The following CNTN5 variants were observed in gnomAD, a reference collection of about 807,000 sequenced individuals.
CNTN5 encodes the protein contactin 5, also known as contactin-5.
A neutral mutation model predicts 129.1 loss-of-function variants in CNTN5; 77 were observed. The observed-to-expected ratio is 0.60, with a 90% confidence interval of 0.50 to 0.72. CNTN5 has a LOEUF of 0.72. Among genes scored for constraint, CNTN5 ranks in the 30% least tolerant of loss-of-function variants. CNTN5 has a pLI of 0.00. For missense variants in CNTN5, 1,478 were observed against 1,328.8 expected (o/e 1.11, Z -1.75); for synonymous variants, 509 against 465.6 (o/e 1.09, Z -1.20).
intron 3 of CNTN5, among the ~76,000 whole-genome samples, chr11:99,814,199 G>A (rs1339186299): frequency 6.6e-6 from 1 of 152,130 alleles, no homozygotes; most frequent in East Asian, 1.9e-4. Flanking sequence ...TTTAAGAGAT[G>A]TACAGACATC....
rs80344188 is a variant in CNTN5 at position 99,792,773 on chromosome 11, G to T, written c.56-26771G>T. Among the ~76,000 whole-genome samples, 1,708 of 152,136 alleles carry T rather than the reference G, an allele frequency of 0.011. 71 individuals carry two copies. The East Asian group carries it at 0.13, about 12-fold the overall frequency. On this transcript the variant is annotated intron_variant, in intron 3 of 24. Coordinates refer to ENST00000524871, the MANE Select transcript of CNTN5 (RefSeq NM_014361.4). ...CCTGGTCCTGGGCATTCTCTGGTTG[G>T]TAGGCTTTTCTTACTGTTTCAAATG...
chr11:99,088,989 A>C (rs1244783233), intron 1 of CNTN5, among the ~76,000 whole-genome samples: 1 of 152,166 alleles, frequency 6.6e-6, no homozygotes, highest in Non-Finnish European at 1.5e-5. Flanking sequence ...ACAAAAACAC[A>C]ACTTCTGTAA....
At chr11:100,291,118 G>C (rs1351887376) in intron 18 of CNTN5, among the ~76,000 whole-genome samples, 2 of 149,066 alleles carry the variant, frequency 1.3e-5, no homozygotes, top group Admixed American at 1.3e-4. Flanking sequence ...ACAGGTGCTG[G>C]AGAGGATGTG....
At chr11:99,362,645 A>T (rs1036297610) in intron 2 of CNTN5, among the ~76,000 whole-genome samples, 2 of 151,512 alleles carry the variant, frequency 1.3e-5, no homozygotes, top group African/African-American at 4.8e-5. Flanking sequence ...TTGGTGAAAA[A>T]ATGTTTTAGC....
intron 2 of CNTN5, among the ~76,000 whole-genome samples, chr11:99,484,714 A>G (rs1444873198): frequency 6.6e-6 from 1 of 152,232 alleles, no homozygotes; most frequent in Non-Finnish European, 1.5e-5. Flanking sequence ...TACAAAAAAA[A>G]AAGGTGAAAT....
At chr11:99,490,123 G>A (rs1298489221) in intron 2 of CNTN5, among the ~76,000 whole-genome samples, 2 of 151,918 alleles carry the variant, frequency 1.3e-5, no homozygotes, top group African/African-American at 4.8e-5. Context: ...ATGTATTGGG[G>A]ACTTATATTT....
intron 9 of CNTN5, among the ~76,000 whole-genome samples, chr11:100,020,364 T>G (rs923643736): frequency 2.0e-5 from 3 of 152,054 alleles, no homozygotes; most frequent in African/African-American, 7.2e-5. Flanking sequence ...ATCTAGTATT[T>G]CCTACACCAT....
At chr11:100,154,480 C>T (rs547473744) in intron 13 of CNTN5, among the ~76,000 whole-genome samples, 2 of 152,236 alleles carry the variant, frequency 1.3e-5, no homozygotes, top group African/African-American at 4.8e-5. Context: ...CCACAATAAA[C>T]ATACATGTGC....
intron 1 of CNTN5, among the ~76,000 whole-genome samples, chr11:99,205,843 GA>G (rs1299937615): frequency 1.3e-5 from 2 of 151,898 alleles, no homozygotes; most frequent in Non-Finnish European, 2.9e-5. Flanking sequence ...AAAATAAAAA[GA>G]AAAGGCTCAT....
intron 1 of CNTN5, among the ~76,000 whole-genome samples, chr11:99,292,728 GA>G (rs1398338055): frequency 6.6e-6 from 1 of 152,078 alleles, no homozygotes; most frequent in Non-Finnish European, 1.5e-5. Context: ...AGCACTTTAT[GA>G]AACAATCTAG....
chr11:99,396,896 A>C (rs12292462), intron 2 of CNTN5, among the ~76,000 whole-genome samples: 5,134 of 151,854 alleles, frequency 0.034, 286 homozygotes, highest in African/African-American at 0.12. Flanking sequence ...ACGACATTCA[A>C]CACATTTGGT....
intron 13 of CNTN5, 141 bp downstream of exon 13, chr11:100,074,435 T>C (rs1332480060): frequency 5.5e-6 from 4 of 733,244 alleles, no homozygotes; most frequent in Admixed American, 3.6e-5. Flanking sequence ...TTTGCCTATA[T>C]AGTGATTTTA....
At chr11:99,974,171 C>T (rs1275946194) in intron 8 of CNTN5, among the ~76,000 whole-genome samples, 1 of 152,200 alleles carries the variant, frequency 6.6e-6, no homozygotes, top group East Asian at 1.9e-4. Flanking sequence ...TTAGTCATCA[C>T]AGCAAAACAG....
intron 1 of CNTN5, among the ~76,000 whole-genome samples, chr11:99,207,165 C>T (rs1157273809): frequency 6.6e-6 from 1 of 152,014 alleles, no homozygotes; most frequent in African/African-American, 2.4e-5. Flanking sequence ...AATAGGGATA[C>T]ATGAAATCTT....
At chr11:99,122,340 G>C (rs1272847879) in intron 1 of CNTN5, among the ~76,000 whole-genome samples, 1 of 152,022 alleles carries the variant, frequency 6.6e-6, no homozygotes, top group Non-Finnish European at 1.5e-5. Context: ...TGAGTGAAAG[G>C]TGAGAATTCT....
At chr11:99,746,955 G>A (rs1056850753) in intron 3 of CNTN5, among the ~76,000 whole-genome samples, 1 of 152,160 alleles carries the variant, frequency 6.6e-6, no homozygotes, top group Admixed American at 6.5e-5. Context: ...TATAGCTGTG[G>A]AAAATAGCAT....
At chr11:99,716,449 C>A (rs536457896) in intron 3 of CNTN5, among the ~76,000 whole-genome samples, 1 of 151,968 alleles carries the variant, frequency 6.6e-6, no homozygotes, top group African/African-American at 2.4e-5. Context: ...AGCTCGTCTT[C>A]CTCTCTCCAC....
rs12286151 is a variant in CNTN5 at position 99,967,458 on chromosome 11, A to G, written c.877+10449A>G. Among the ~76,000 whole-genome samples, 716 of 152,258 alleles carry G rather than the reference A, an allele frequency of 4.7e-3. 5 individuals carry two copies. The highest frequency in any genetic ancestry group is 0.015 in the African/African-American group (642 of 41,568). On this transcript the variant is annotated intron_variant, in intron 8 of 24. Transcript: ENST00000524871. ...CTTCCAATCCAATATGAGGTAGGAT[A>G]TTCCCATAAAAACTGACACAGATTC...
chr11:99,891,861 G>A lies in CNTN5; in HGVS notation c.578-24193G>A, dbSNP rs539925389. Among the ~76,000 whole-genome samples the A allele has an allele frequency of 3.9e-5, 6 of 152,196 alleles. No homozygotes were observed. The South Asian group carries it at 1.2e-3, about 32-fold the overall frequency. On this transcript the variant is annotated intron_variant, in intron 6 of 24. Coordinates refer to ENST00000524871, the MANE Select transcript of CNTN5 (RefSeq NM_014361.4). Reference sequence around the variant, plus strand: ...GTATATACCCAGTAATGGGATTGCTGGGTCAAGTGGTATTTCTAGTTCTAG... The same window carrying A: ...GTATATACCCAGTAATGGGATTGCTAGGTCAAGTGGTATTTCTAGTTCTAG...
Sources: gnomAD v4.1 joint callset for allele counts (sites outside exome capture counted in the v4.1 genomes callset) on GRCh38, gnomAD v4.1.1 for gene constraint, MANE v1.5 for transcripts, NCBI Gene and HGNC (gene_info 2026-07-23, HGNC 2026-07-21) for gene names.